Variants in VPS13B observed in about 807,000 individuals in gnomAD.
VPS13B encodes intermembrane lipid transfer protein VPS13B.
Under a neutral mutation model 426.4 loss-of-function variants are expected in VPS13B, and 285 were observed. The observed-to-expected ratio is 0.67, with a 90% CI of 0.61 to 0.74. VPS13B has a LOEUF of 0.74. Among genes scored for constraint, VPS13B ranks in the 30% least tolerant of loss-of-function variants. The probability of loss-of-function intolerance (pLI) is 0.00; values close to 1 mark genes in which losing one functional copy is unlikely to be tolerated. For missense variants in VPS13B, 4,537 were observed against 4,782.6 expected, an observed-to-expected ratio of 0.95 and a Z score of 1.51; for synonymous variants, 1,676 against 1,676.4, an observed-to-expected ratio of 1.00 and a Z score of 0.01.
At chr8:99,081,655 C>T (rs1358484293) in intron 3 of VPS13B, among the ~76,000 whole-genome samples, 11 of 141,546 alleles carry the variant, frequency 7.8e-5, no homozygotes, top group African/African-American at 8.1e-5. Flanking sequence ...TGTTCCGCGT[C>T]GTATGTCCAT....
At chr8:99,413,269 T>C (rs984609103) in intron 21 of VPS13B, among the ~76,000 whole-genome samples, 10 of 152,200 alleles carry the variant, frequency 6.6e-5, no homozygotes, top group Non-Finnish European at 1.5e-5. Context: ...ATTCAACTTC[T>C]TCCTGGTTTA....
intron 17 of VPS13B, among the ~76,000 whole-genome samples, chr8:99,249,311 A>G (rs975636290): frequency 6.6e-6 from 1 of 152,034 alleles, no homozygotes; most frequent in Admixed American, 6.6e-5. Flanking sequence ...GTTTTTGGCT[A>G]TTACGATAAA....
At chr8:99,186,289 A>C (rs1268813930) in intron 16 of VPS13B, among the ~76,000 whole-genome samples, 3 of 152,104 alleles carry the variant, frequency 2.0e-5, no homozygotes, top group Non-Finnish European at 4.4e-5. Flanking sequence ...TGTTTTAAGT[A>C]AAGTTTAATA....
In VPS13B at chr8:99,303,847, A is replaced by G. The variant is rs1588228186; in HGVS notation, c.2824+28593A>G. 6.6e-5 allele frequency among the ~76,000 whole-genome samples: 10 copies of G among 151,598 alleles called. No homozygotes were observed. In the South Asian group the frequency reaches 2.1e-3, roughly 32 times the overall value. On this transcript the variant is annotated intron_variant, in intron 19 of 61. Coordinates refer to ENST00000357162, the MANE Select transcript of VPS13B (RefSeq NM_152564.5). ...GCCTGGCAAAACATTTGTACTACAG[A>G]TCTCTCAGTAAGGTGATCTATTTTT...
intron 36 of VPS13B, among the ~76,000 whole-genome samples, chr8:99,704,121 C>T (rs1195440390): frequency 6.6e-6 from 1 of 152,070 alleles, no homozygotes; most frequent in Non-Finnish European, 1.5e-5. Context: ...AGTTGAACTC[C>T]TTCTAGTCAA....
intron 19 of VPS13B, among the ~76,000 whole-genome samples, chr8:99,364,233 C>T (rs534398955): frequency 6.6e-5 from 10 of 152,212 alleles, no homozygotes; most frequent in African/African-American, 2.2e-4. Context: ...ATGGTTTTCT[C>T]CTTAATTCTG....
Position 99,442,644 on chromosome 8 carries a change from T to C in VPS13B, c.3445+9T>C. 1 of 1,612,134 alleles carries C rather than the reference T, an allele frequency of 6.2e-7. No homozygotes were observed. Among genetic ancestry groups the C allele is most frequent in the African/African-American group, 1.3e-5 (1 of 75,018 alleles). ...ACCCATCCTTGAAGAAGGTATATGT[T>C]AACATTTTTTTCCTATGGTTAATGT... On this transcript the variant is annotated intron_variant, in intron 23 of 61. Transcript: ENST00000357162.
At chr8:99,360,600 A>G (rs961717578) in intron 19 of VPS13B, among the ~76,000 whole-genome samples, 4 of 152,062 alleles carry the variant, frequency 2.6e-5, no homozygotes, top group East Asian at 1.9e-4. Context: ...ACATTTTGTT[A>G]TAAACTTGAA....
chr8:99,509,597 A>G (rs1200455668), intron 28 of VPS13B, among the ~76,000 whole-genome samples: 1 of 152,150 alleles, frequency 6.6e-6, no homozygotes, highest in African/African-American at 2.4e-5. Context: ...TGTAGGAGTG[A>G]TGGGATAATA....
At chr8:99,686,373 C>T (rs1483500030) in intron 35 of VPS13B, among the ~76,000 whole-genome samples, 1 of 150,706 alleles carries the variant, frequency 6.6e-6, no homozygotes. Context: ...CCTGGCTATC[C>T]GCCTGTGTTC....
chr8:99,276,415 T>C (rs890348425), intron 19 of VPS13B, among the ~76,000 whole-genome samples: 1 of 152,202 alleles, frequency 6.6e-6, no homozygotes, highest in African/African-American at 2.4e-5. Context: ...CAAAGTAGGG[T>C]TGTCCCTATA....
chr8:99,854,943 C>T (rs1816473464), intron 56 of VPS13B, among the ~76,000 whole-genome samples: 1 of 152,192 alleles, frequency 6.6e-6, no homozygotes, highest in African/African-American at 2.4e-5. Flanking sequence ...GGCAGGTGGC[C>T]TCTTGCAGGC....
At chr8:99,205,499 A>T (rs761293889) in intron 17 of VPS13B, among the ~76,000 whole-genome samples, 6 of 152,184 alleles carry the variant, frequency 3.9e-5, no homozygotes, top group African/African-American at 7.2e-5. Flanking sequence ...AACTTAAAGT[A>T]TAATAATAAT....
intron 17 of VPS13B, among the ~76,000 whole-genome samples, chr8:99,222,773 A>G (rs1435997026): frequency 1.3e-5 from 2 of 152,208 alleles, no homozygotes; most frequent in Non-Finnish European, 2.9e-5. Flanking sequence ...AATACAAAAG[A>G]TGGCCATTAC....
chr8:99,170,294 A>G, intron 16 of VPS13B, 131 bp downstream of exon 16: 1 of 1,135,542 alleles, frequency 8.8e-7, no homozygotes. Context: ...CTAAACTTGT[A>G]CTTTTACTGA....
At chr8:99,621,394 G>A (rs537423542) in intron 33 of VPS13B, among the ~76,000 whole-genome samples, 6 of 152,212 alleles carry the variant, frequency 3.9e-5, no homozygotes, top group South Asian at 2.1e-4. Flanking sequence ...CCCCATTGCC[G>A]TCTCTTTTCC....
intron 19 of VPS13B, among the ~76,000 whole-genome samples, chr8:99,369,612 A>G (rs891194442): frequency 1.3e-5 from 2 of 152,220 alleles, no homozygotes; most frequent in African/African-American, 4.8e-5. Flanking sequence ...TGAGAGTATC[A>G]TCTACTTTGA....
chr8:99,690,053 G>A (rs1320252067), intron 35 of VPS13B, among the ~76,000 whole-genome samples: 1 of 151,740 alleles, frequency 6.6e-6, no homozygotes, highest in Non-Finnish European at 1.5e-5. Flanking sequence ...GTTGTTAAAG[G>A]TATTATTTTC....
intron 3 of VPS13B, among the ~76,000 whole-genome samples, chr8:99,051,032 T>G (rs1723989952): frequency 1.3e-5 from 2 of 152,342 alleles, no homozygotes; most frequent in African/African-American, 4.8e-5. Context: ...CTCTTTAGTT[T>G]AATTAGATCC....
Sources: allele counts gnomAD v4.1 joint callset (sites outside exome capture counted in the v4.1 genomes callset), GRCh38; gene constraint gnomAD v4.1.1; transcripts MANE v1.5; gene names NCBI Gene and HGNC (gene_info 2026-07-23, HGNC 2026-07-21).